The following TMPRSS15 variants were observed in gnomAD, a reference collection of about 807,000 sequenced individuals.
The protein encoded by TMPRSS15 is transmembrane serine protease 15.
In TMPRSS15, 128 loss-of-function variants were observed where a neutral mutation model predicts 125.3. That is an observed-to-expected ratio of 1.02 (90% CI 0.89 to 1.18). The LOEUF (loss-of-function observed/expected upper bound fraction) is 1.18, where lower values mean the gene tolerates loss of function less well. Among genes scored for constraint, TMPRSS15 ranks in the 50% most tolerant of loss-of-function variants. The pLI is 0.00. For missense variants in TMPRSS15, 1,283 were observed against 1,212.7 expected (o/e 1.06, Z -0.86); for synonymous variants, 446 against 423.2 (o/e 1.05, Z -0.66).
chr21:18,476,126 CAT>C (rs1293142311), intron 1 of TMPRSS15, among the ~76,000 whole-genome samples: 1 of 151,988 alleles, frequency 6.6e-6, no homozygotes, highest in Non-Finnish European at 1.5e-5. Context: ...ATTAAGAAAT[CAT>C]ATATGAAAAA....
At chr21:18,297,584 G>A in intron 19 of TMPRSS15, 150 bp downstream of exon 19, 1 of 651,206 alleles carries the variant, frequency 1.5e-6, no homozygotes. Context: ...AATAGATACT[G>A]TTTGAGATTA....
chr21:18,282,889 T>G (rs2074718220), intron 21 of TMPRSS15, among the ~76,000 whole-genome samples: 1 of 152,104 alleles, frequency 6.6e-6, no homozygotes, highest in African/African-American at 2.4e-5. Context: ...GATTGAGAAC[T>G]AGAAGGAAGG....
intron 1 of TMPRSS15, among the ~76,000 whole-genome samples, chr21:18,465,744 G>A (rs747186089): frequency 6.6e-6 from 1 of 152,108 alleles, no homozygotes; most frequent in Non-Finnish European, 1.5e-5. Flanking sequence ...ACAAACCACT[G>A]CTTAAGGAAA....
intron 1 of TMPRSS15, among the ~76,000 whole-genome samples, chr21:18,481,527 G>A (rs910813968): frequency 6.6e-6 from 1 of 151,614 alleles, no homozygotes; most frequent in Admixed American, 6.6e-5. Flanking sequence ...GGGGCACGGG[G>A]CATTGCACGT....
intron 18 of TMPRSS15, among the ~76,000 whole-genome samples, chr21:18,308,794 A>C (rs1481123824): frequency 1.3e-5 from 2 of 152,086 alleles, no homozygotes; most frequent in East Asian, 3.9e-4. Context: ...CCTTGTGTCC[A>C]TGTGTTCTCA....
rs74648159 is a variant in TMPRSS15 at position 18,287,447 on chromosome 21, T to C, written c.2487-6226A>G. On this transcript the variant is annotated intron_variant, in intron 21 of 24. Transcript: ENST00000284885. ...GAGTCTCAAACTCTAAATATTAAAA[T>C]ATTCCTTCTTTGTGTAACAAGTGGT... Among the ~76,000 whole-genome samples the C allele has an allele frequency of 8.7e-3, 1,325 of 152,270 alleles. 24 individuals are homozygous for C. Among genetic ancestry groups the C allele is most frequent in the African/African-American group, 0.03 (1,256 of 41,554 alleles).
intron 16 of TMPRSS15, among the ~76,000 whole-genome samples, chr21:18,324,277 C>T (rs2075268328): frequency 6.6e-6 from 1 of 152,148 alleles, no homozygotes; most frequent in South Asian, 2.1e-4. Flanking sequence ...ATGCCCATTA[C>T]AGACTCTCAT....
At chr21:18,477,072 A>G (rs1025879169) in intron 1 of TMPRSS15, among the ~76,000 whole-genome samples, 8 of 152,144 alleles carry the variant, frequency 5.3e-5, no homozygotes, top group African/African-American at 1.9e-4. Context: ...TGACTTGCAG[A>G]GTAATGAGGG....
chr21:18,414,882 G>A (rs2076176186), intron 1 of TMPRSS15, among the ~76,000 whole-genome samples: 1 of 152,256 alleles, frequency 6.6e-6, no homozygotes, highest in South Asian at 2.1e-4. Flanking sequence ...ATACCCAGAA[G>A]TGGGATTTCT....
intron 1 of TMPRSS15, among the ~76,000 whole-genome samples, chr21:18,468,551 A>C (rs2123280533): frequency 6.6e-6 from 1 of 152,276 alleles, no homozygotes. Flanking sequence ...AAATCAACAA[A>C]AAGTTTTGCC....
rs149024121 is a variant in TMPRSS15 at position 18,450,674 on chromosome 21, G to C, written c.10+35125C>G. On this transcript the variant is annotated intron_variant, in intron 1 of 7. Coordinates refer to the TMPRSS15 transcript ENST00000422787. ...CCTGTGGGCCATGACCCACTTAAAG[G>C]CTTCTTCTTTTGGGAAAAAAATCCA... Among the ~76,000 whole-genome samples, 481 of 149,062 alleles carry C rather than the reference G, an allele frequency of 3.2e-3. 6 individuals carry two copies. Among genetic ancestry groups the C allele is most frequent in the Middle Eastern group, 0.017 (5 of 294 alleles).
intron 16 of TMPRSS15, among the ~76,000 whole-genome samples, chr21:18,324,058 A>T (rs2075266146): frequency 6.6e-6 from 1 of 152,194 alleles, no homozygotes; most frequent in South Asian, 2.1e-4. Context: ...CTTCACACAG[A>T]AAATGTTATA....
intron 16 of TMPRSS15, among the ~76,000 whole-genome samples, chr21:18,322,125 T>C (rs1365542998): frequency 6.6e-6 from 1 of 152,164 alleles, no homozygotes; most frequent in Non-Finnish European, 1.5e-5. Context: ...TGTTTTTGAG[T>C]TTGATCTTGA....
At chr21:18,461,112 G>C (rs2122952254) in intron 1 of TMPRSS15, among the ~76,000 whole-genome samples, 44 of 152,106 alleles carry the variant, frequency 2.9e-4, no homozygotes, top group African/African-American at 1.0e-3. Context: ...CGACCATCAG[G>C]TTTCCTGACA....
chr21:18,294,586 A>G lies in TMPRSS15; in HGVS notation c.2311+17T>C. 1 of 1,609,666 alleles carries G rather than the reference A, an allele frequency of 6.2e-7. No individual in the cohort carries two copies. Among genetic ancestry groups the G allele is most frequent in the South Asian group, 1.1e-5 (1 of 90,968 alleles). On this transcript the variant is annotated intron_variant, in intron 20 of 24. Coordinates refer to ENST00000284885, the MANE Select transcript of TMPRSS15 (RefSeq NM_002772.3). ...AACAGAATGCTTGAAGTGGGATATGACAACATATTTACTTACATTTATGGT... is the reference window on the plus strand; with the variant it reads ...AACAGAATGCTTGAAGTGGGATATGGCAACATATTTACTTACATTTATGGT...
At chr21:18,364,139 C>T (rs370247585) in intron 7 of TMPRSS15, among the ~76,000 whole-genome samples, 2 of 152,180 alleles carry the variant, frequency 1.3e-5, no homozygotes, top group South Asian at 2.1e-4. Context: ...TTTCTTTAAT[C>T]AGCTATTATA....
At chr21:18,272,750 T>C (rs2074573903) in intron 24 of TMPRSS15, among the ~76,000 whole-genome samples, 1 of 152,014 alleles carries the variant, frequency 6.6e-6, no homozygotes, top group South Asian at 2.1e-4. Context: ...AAATAATAAA[T>C]AAATACATAC....
At chr21:18,405,607 T>A (rs2123156314), upstream of TMPRSS15, among the ~76,000 whole-genome samples, 1 of 152,248 alleles carries the variant, frequency 6.6e-6, no homozygotes, top group East Asian at 1.9e-4. Flanking sequence ...ATATGGAAAC[T>A]TCATATATGA....
intron 16 of TMPRSS15, among the ~76,000 whole-genome samples, chr21:18,317,900 A>G (rs1311394051): frequency 8.6e-6 from 1 of 116,064 alleles, no homozygotes; most frequent in East Asian, 2.6e-4. Context: ...ATCCCATCCC[A>G]TCCCATCCTA....
Sources: gnomAD v4.1 joint callset for allele counts (sites outside exome capture counted in the v4.1 genomes callset) on GRCh38, gnomAD v4.1.1 for gene constraint, MANE v1.5 for transcripts, NCBI Gene and HGNC (gene_info 2026-07-23, HGNC 2026-07-21) for gene names.